The following MALRD1 variants were observed in gnomAD, a reference collection of about 807,000 sequenced individuals.
MALRD1 encodes the protein MAM and LDL-receptor class A domain-containing protein 1.
A neutral mutation model predicts 242.1 loss-of-function variants in MALRD1; 247 were observed. That is an observed-to-expected ratio of 1.02 (90% CI 0.92 to 1.13). MALRD1 has a LOEUF of 1.13. Among genes scored for constraint, MALRD1 ranks in the 50% most tolerant of loss-of-function variants. MALRD1 has a pLI of 0.00. For synonymous variants in MALRD1, 995 were observed against 866.6 expected, an observed-to-expected ratio of 1.15 and a Z score of -2.60; for missense variants, 2,989 against 2,533.1, an observed-to-expected ratio of 1.18 and a Z score of -3.86.
At chr10:19,192,555 C>G (rs952239324) in intron 14 of MALRD1, among the ~76,000 whole-genome samples, 1 of 150,856 alleles carries the variant, frequency 6.6e-6, no homozygotes, top group Non-Finnish European at 1.5e-5. Flanking sequence ...ATTCTGCCAA[C>G]CATCTAAATG....
chr10:19,205,482 T>C (rs10827052), intron 17 of MALRD1, among the ~76,000 whole-genome samples: 96,926 of 150,456 alleles, frequency 0.64, 31,896 homozygotes, highest in African/African-American at 0.77. Context: ...CAATGATAAA[T>C]ACAACTACAG....
At chr10:19,188,765 T>G (rs1192036525) in intron 14 of MALRD1, among the ~76,000 whole-genome samples, 1 of 152,066 alleles carries the variant, frequency 6.6e-6, no homozygotes, top group Non-Finnish European at 1.5e-5. Flanking sequence ...TGTTGGCCAG[T>G]GTCAGAAATG....
chr10:19,162,879 C>G (rs1003461804), intron 12 of MALRD1, among the ~76,000 whole-genome samples: 1 of 151,826 alleles, frequency 6.6e-6, no homozygotes, highest in East Asian at 1.9e-4. Flanking sequence ...CGCCTGTAAT[C>G]CCAGTACTTT....
chr10:19,319,697 C>T (rs971918215), intron 21 of MALRD1, among the ~76,000 whole-genome samples: 3 of 151,996 alleles, frequency 2.0e-5, no homozygotes, highest in Admixed American at 2.0e-4. Context: ...TGTTTCCTCA[C>T]GCGGTAGAAG....
chr10:19,712,998 TG>T (rs1388143313), intron 38 of MALRD1, among the ~76,000 whole-genome samples: 1 of 151,874 alleles, frequency 6.6e-6, no homozygotes, highest in Non-Finnish European at 1.5e-5. Flanking sequence ...TATACTCCAA[TG>T]TTTTGTAAAA....
intron 28 of MALRD1, among the ~76,000 whole-genome samples, chr10:19,413,795 A>G (rs1404284846): frequency 6.6e-6 from 1 of 151,920 alleles, no homozygotes; most frequent in Non-Finnish European, 1.5e-5. Context: ...CAGCCTGGCC[A>G]ATATGGTGAA....
At chr10:19,620,548 T>A (rs1376426890) in intron 36 of MALRD1, among the ~76,000 whole-genome samples, 2 of 151,594 alleles carry the variant, frequency 1.3e-5, no homozygotes, top group Non-Finnish European at 2.9e-5. Flanking sequence ...TCTTTTGCAA[T>A]TGATTAATGT....
intron 1 of MALRD1, among the ~76,000 whole-genome samples, chr10:19,061,920 C>T (rs1834834156): frequency 6.6e-6 from 1 of 152,134 alleles, no homozygotes; most frequent in Admixed American, 6.5e-5. Context: ...AAAACAGATA[C>T]ATTGACTTCA....
chr10:19,484,622 T>A (rs7070697), intron 29 of MALRD1, among the ~76,000 whole-genome samples: 7 of 152,242 alleles, frequency 4.6e-5, no homozygotes, highest in African/African-American at 1.4e-4. Flanking sequence ...CCATATAATA[T>A]GCTTCCCACT....
intron 36 of MALRD1, among the ~76,000 whole-genome samples, chr10:19,673,909 A>T (rs1187495098): frequency 6.6e-6 from 1 of 151,976 alleles, no homozygotes; most frequent in Non-Finnish European, 1.5e-5. Flanking sequence ...CATAATTTAT[A>T]TGCGTGTGCA....
chr10:19,280,684 A>T (rs72796455), intron 20 of MALRD1, among the ~76,000 whole-genome samples: 13,117 of 152,212 alleles, frequency 0.086, 723 homozygotes, highest in Middle Eastern at 0.13. Context: ...CTTAATGCAA[A>T]TGAGACCTTT....
intron 18 of MALRD1, among the ~76,000 whole-genome samples, chr10:19,245,514 C>T (rs10437417): frequency 0.22 from 32,979 of 152,024 alleles, 3,739 homozygotes; most frequent in Admixed American, 0.34. Flanking sequence ...ATCTCAGTTA[C>T]CAGGTCAAGT....
intron 10 of MALRD1, among the ~76,000 whole-genome samples, chr10:19,142,829 A>G (rs947768483): frequency 1.3e-5 from 2 of 152,224 alleles, no homozygotes; most frequent in African/African-American, 2.4e-5. Flanking sequence ...TCAGATATTT[A>G]TAAGTTCACT....
chr10:19,320,379 G>A (rs1021704082), intron 21 of MALRD1, among the ~76,000 whole-genome samples: 1 of 152,000 alleles, frequency 6.6e-6, no homozygotes, highest in Non-Finnish European at 1.5e-5. Flanking sequence ...CTTCATCCAT[G>A]TCCCTGCAAA....
intron 34 of MALRD1, among the ~76,000 whole-genome samples, chr10:19,606,665 C>G (rs1838645948): frequency 2.0e-5 from 3 of 152,068 alleles, no homozygotes; most frequent in Admixed American, 1.3e-4. Context: ...ATTAAACACT[C>G]TGAGAAACAA....
chr10:19,371,229 A>G (rs1845361751), intron 26 of MALRD1, among the ~76,000 whole-genome samples: 1 of 152,064 alleles, frequency 6.6e-6, no homozygotes, highest in Non-Finnish European at 1.5e-5. Context: ...AGCCTGGGCA[A>G]CCCAGTGAGA....
rs540017123 is a variant in MALRD1, at chr10:19,592,072, A to G, written c.5681-3122A>G. On this transcript the variant is annotated intron_variant, in intron 33 of 39. Transcript: ENST00000454679. ...GTTCACCCTACATCAGAAATATTTC[A>G]TTAGAAAATCTGAGGGGCAATTCAG... is the stretch of plus-strand genomic sequence containing the variant. 5.9e-5 allele frequency among the ~76,000 whole-genome samples: 9 copies of G among 152,324 alleles called. No homozygotes were observed. In the South Asian group the frequency reaches 1.7e-3, roughly 28 times the overall value.
At chr10:19,208,803 G>A (rs980168606) in intron 17 of MALRD1, among the ~76,000 whole-genome samples, 8 of 152,262 alleles carry the variant, frequency 5.3e-5, no homozygotes, top group Non-Finnish European at 8.8e-5. Flanking sequence ...ATCCTGATGC[G>A]TGGCTTTACC....
chr10:19,450,143 A>G (rs564956505), intron 28 of MALRD1, among the ~76,000 whole-genome samples, 164 bp from the exon 29 acceptor site: 57 of 152,300 alleles, frequency 3.7e-4, no homozygotes, highest in Non-Finnish European at 7.2e-4. Context: ...TTTGACAAGA[A>G]TGACTCAATT....
Sources: allele counts gnomAD v4.1 joint callset (sites outside exome capture counted in the v4.1 genomes callset), GRCh38; gene constraint gnomAD v4.1.1; transcripts MANE v1.5; gene names NCBI Gene and HGNC (gene_info 2026-07-23, HGNC 2026-07-21).